Variants in DUS1L observed in about 807,000 individuals in gnomAD.
The protein encoded by DUS1L is tRNA-dihydrouridine(16/17) synthase [NAD(P)(+)]-like.
In DUS1L, 56 loss-of-function variants were observed where a neutral mutation model predicts 61.2. The observed-to-expected ratio is 0.92, with a 90% CI of 0.74 to 1.14. The LOEUF (loss-of-function observed/expected upper bound fraction) is 1.14, where lower values mean the gene tolerates loss of function less well. Among genes scored for constraint, DUS1L ranks in the 50% most tolerant of loss-of-function variants. The probability of loss-of-function intolerance (pLI) is 0.00; values close to 1 mark genes in which losing one functional copy is unlikely to be tolerated. For missense variants in DUS1L, 630 were observed against 632.4 expected (o/e 1.00, Z 0.04); for synonymous variants, 278 against 259.5 (o/e 1.07, Z -0.69).
chr17:82,058,621 G>A lies in DUS1L; in HGVS notation c.1206+160C>T. 4 of 1,496,306 alleles carry A rather than the reference G, an allele frequency of 2.7e-6. No individual in the cohort carries two copies. In the South Asian group the frequency reaches 5.2e-5, roughly 19 times the overall value. 92.7% of individuals were successfully genotyped at this position (1,496,306 alleles called of 1,614,324 possible). On this transcript the variant is annotated intron_variant, in intron 12 of 13. Coordinates refer to ENST00000306796, the MANE Select transcript of DUS1L (RefSeq NM_022156.5). Reference sequence around the variant, plus strand: ...CCCTCCAGGCCTGGGCAGGGGCTTGGCTGGAAGCAAGGGGCCGTCCTGAGG... The same window carrying A: ...CCCTCCAGGCCTGGGCAGGGGCTTGACTGGAAGCAAGGGGCCGTCCTGAGG...
rs552969660 is a variant in DUS1L, at chr17:82,059,072, C to T, written c.1169-254G>A. The T allele has an allele frequency of 2.1e-4, 113 of 550,796 alleles. No homozygotes were observed. The East Asian group carries it at 3.0e-3, about 15-fold the overall frequency. The allele number at this position is 550,796 out of a possible 1,614,324, so 34.1% of individuals were successfully genotyped here. ...GGAAGCAGGTGGGCTGGGGGGCCGC[C>T]GCAGGACGAGCAGCCTTATCTGTCC... On this transcript the variant is annotated intron_variant, in intron 11 of 13. Transcript: ENST00000306796.
rs1568079128 is a variant in DUS1L at position 82,057,747 on chromosome 17, T to TTGTC, written c.*364_*367dup. On this transcript the variant is annotated 3_prime_UTR_variant, in exon 14 of 14. Transcript: ENST00000306796. The stretch of plus-strand genomic sequence containing the variant: ...GGGGAGGGGACCTAAGCCCCCACTT[T>TTGTC]TGTCTACCCAGATGCTGCCTTCATT... 3 of 202,330 alleles carry TTGTC rather than the reference T, an allele frequency of 1.5e-5. No homozygotes were observed. The highest frequency in any genetic ancestry group is 3.0e-5 in the Non-Finnish European group (3 of 99,022). The allele number at this position is 202,330 out of a possible 1,614,324, so 12.5% of individuals were successfully genotyped here.
chr17:82,058,733 C>A, intron 12 of DUS1L, 48 bp downstream of exon 12: 1 of 1,611,848 alleles, frequency 6.2e-7, no homozygotes, highest in Non-Finnish European at 8.5e-7. Flanking sequence ...CCACCCTGCC[C>A]ACCCCCAAAG....
chr17:82,061,254 G>C lies in DUS1L; in HGVS notation c.797C>G (p.Pro266Arg). 1 of 1,610,430 alleles carries C rather than the reference G, an allele frequency of 6.2e-7. No homozygotes were observed. Among genetic ancestry groups the C allele is most frequent in the Non-Finnish European group, 8.5e-7 (1 of 1,178,580 alleles). ...GAGGTGGGCCCGGACGTAGGACAGG[G>C]GGCAGGGGTGCTCCCGCACGATGTC... is the stretch of plus-strand genomic sequence containing the variant. ...YLDIVREHPC[P>R]LSYVRAHLFK... The change falls in exon 8 of 14, where the codon CCC (proline) becomes CGC (arginine). Residue 266 changes from proline to arginine, a missense_variant. Pro to Arg is a moderately radical substitution (Grantham distance 103). Coordinates refer to ENST00000306796, the MANE Select transcript of DUS1L (RefSeq NM_022156.5).
chr17:82,063,290 G>C, intron 4 of DUS1L, 178 bp downstream of exon 4: 2 of 856,208 alleles, frequency 2.3e-6, no homozygotes, highest in Non-Finnish European at 3.8e-6. Flanking sequence ...TGCAGGACAG[G>C]CAACTTCACA....
chr17:82,062,004 C>T, intron 5 of DUS1L, 21 bp from the exon 6 acceptor site: 3 of 1,571,160 alleles, frequency 1.9e-6, no homozygotes, highest in Admixed American at 1.7e-5. Context: ...GCAGTGGTCG[C>T]TTGACCCCTC....
At chr17:82,060,990 G>A (rs768844206) in intron 8 of DUS1L, 29 bp from the exon 9 acceptor site, 6 of 1,600,338 alleles carry the variant, frequency 3.7e-6, no homozygotes, top group Non-Finnish European at 5.1e-6. Context: ...CACGCAGGCT[G>A]GGCTCCCGGC....
intron 11 of DUS1L, 49 bp from the exon 12 acceptor site, chr17:82,058,867 G>A: frequency 2.0e-6 from 3 of 1,524,636 alleles, no homozygotes; most frequent in Non-Finnish European, 2.7e-6. Context: ...AGGGTGCCCT[G>A]GCTGTGGGGG....
intron 3 of DUS1L, among the ~76,000 whole-genome samples, 184 bp downstream of exon 3, chr17:82,063,942 A>G (rs1290088275): frequency 6.6e-6 from 1 of 152,186 alleles, no homozygotes; most frequent in East Asian, 1.9e-4. Context: ...CTCGGCCCCT[A>G]GCCCCCAAGG....
rs765426801 is a variant in DUS1L at position 82,057,933 on chromosome 17, C to A, written c.*182G>T. On this transcript the variant is annotated 3_prime_UTR_variant, in exon 14 of 14. Coordinates refer to ENST00000306796, the MANE Select transcript of DUS1L (RefSeq NM_022156.5). ...TTGCACACGCGTGCTGAGGACAGGGCAGGTCCAGCCTGGGGCCTGCTCCCC... is the reference window on the plus strand; with the variant it reads ...TTGCACACGCGTGCTGAGGACAGGGAAGGTCCAGCCTGGGGCCTGCTCCCC... The A allele has an allele frequency of 6.4e-6, 4 of 623,646 alleles. No homozygotes were observed. The South Asian group carries it at 1.3e-4, about 20-fold the overall frequency. The allele number at this position is 623,646 out of a possible 1,614,324, so 38.6% of individuals were successfully genotyped here.
chr17:82,064,294 G>A (rs2033658450), intron 2 of DUS1L, 60 bp from the exon 3 acceptor site: 1 of 1,456,302 alleles, frequency 6.9e-7, no homozygotes, highest in African/African-American at 1.4e-5. Flanking sequence ...TTGCTGCCCA[G>A]CCCTACGAGA....
chr17:82,061,496 T>C (rs922742020), intron 7 of DUS1L, 122 bp downstream of exon 7: 26 of 1,426,030 alleles, frequency 1.8e-5, no homozygotes, highest in Non-Finnish European at 2.5e-5. Context: ...AGACTGGGAT[T>C]GATGAACACC....
chr17:82,059,642 G>T (rs1359201933), intron 11 of DUS1L: 2 of 398,838 alleles, frequency 5.0e-6, no homozygotes, highest in Admixed American at 7.4e-5. Context: ...GTGAGGCTGG[G>T]CAGGGGCAGC....
intron 2 of DUS1L, among the ~76,000 whole-genome samples, chr17:82,064,544 G>C (rs1170917722): frequency 6.6e-6 from 1 of 152,200 alleles, no homozygotes; most frequent in Non-Finnish European, 1.5e-5. Flanking sequence ...CCCCAGCAGG[G>C]CTGCAAACCT....
rs1461856193 is a variant in DUS1L, at chr17:82,062,986, G to A, written c.398-13C>T. ...TGGGCCAGCAAAACTGGGGAGAAGA[G>A]AGGCAGCTTCTGAGGGGGCCATGGT... On this transcript the variant is annotated splice_polypyrimidine_tract_variant and intron_variant, in intron 4 of 13. Coordinates refer to ENST00000306796, the MANE Select transcript of DUS1L (RefSeq NM_022156.5). The A allele has an allele frequency of 3.7e-6, 6 of 1,607,134 alleles. No homozygotes were observed. The highest frequency in any genetic ancestry group is 1.7e-6 in the Non-Finnish European group (2 of 1,175,214).
At chr17:82,058,872 T>G in intron 11 of DUS1L, 54 bp from the exon 12 acceptor site, 1 of 1,528,610 alleles carries the variant, frequency 6.5e-7, no homozygotes, top group Non-Finnish European at 9.1e-7. Flanking sequence ...GCCCTGGCTG[T>G]GGGGGCTGCC....
intron 12 of DUS1L, 153 bp from the exon 13 acceptor site, chr17:82,058,569 TCACCCCCACC>T (rs772369745): frequency 2.1e-6 from 3 of 1,445,632 alleles, no homozygotes; most frequent in Non-Finnish European, 2.7e-6. Flanking sequence ...TGCCTCTCCC[TCACCCCCACC>T]CACCCAGACT....
intron 5 of DUS1L, 84 bp downstream of exon 5, chr17:82,062,777 C>T (rs1275287171): frequency 1.7e-5 from 22 of 1,265,520 alleles, no homozygotes; most frequent in Non-Finnish European, 2.3e-5. Context: ...TGCACGGTGT[C>T]TGGACACAGG....
chr17:82,060,185 G>A, intron 10 of DUS1L, 92 bp from the exon 11 acceptor site: 1 of 1,481,220 alleles, frequency 6.8e-7, no homozygotes. Context: ...TGAGGGGCCA[G>A]GCGGCCGTGG....
Sources: gnomAD v4.1 joint callset for allele counts (sites outside exome capture counted in the v4.1 genomes callset) on GRCh38, gnomAD v4.1.1 for gene constraint, MANE v1.5 for transcripts, NCBI Gene and HGNC (gene_info 2026-07-23, HGNC 2026-07-21) for gene names.